GALNT10: variants seen among roughly 807,000 people sequenced by gnomAD.
GALNT10 encodes GalNAc transferase 10.
Under a neutral mutation model 75.0 loss-of-function variants are expected in GALNT10, and 41 were observed. The ratio of observed to expected loss-of-function variants is 0.55; its 90% CI spans 0.43 to 0.71. GALNT10 has a LOEUF of 0.71. GALNT10 is among the 30% of genes least tolerant of loss of function. The pLI is 0.00. For synonymous variants in GALNT10, 302 were observed against 313.0 expected, an observed-to-expected ratio of 0.96 and a Z score of 0.37; for missense variants, 727 against 818.5, an observed-to-expected ratio of 0.89 and a Z score of 1.36.
At chr5:154,404,952 T>G (rs975361982) in intron 8 of GALNT10, among the ~76,000 whole-genome samples, 3 of 152,240 alleles carry the variant, frequency 2.0e-5, no homozygotes, top group Admixed American at 2.0e-4. Context: ...CCAGAGTTTG[T>G]TTTTGGTTTG....
At position 154,191,139 on chromosome 5, in the gene GALNT10, T is replaced by A. The variant is rs947896985; in HGVS notation, c.159+114T>A. The A allele has an allele frequency of 2.1e-5, 14 of 668,588 alleles. No individual in the cohort carries two copies. The South Asian group carries it at 5.4e-4, about 26-fold the overall frequency. The allele number at this position is 668,588 out of a possible 1,614,324, so 41.4% of individuals were successfully genotyped here. A position where few individuals can be genotyped will look rare whatever the true frequency, so the allele number is the denominator to read the frequency against. On this transcript the variant is annotated intron_variant, in intron 1 of 11. Coordinates refer to ENST00000297107, the MANE Select transcript of GALNT10 (RefSeq NM_198321.4). ...GCCTCCTCAGAGTCAGCTCCGAGAC[T>A]CTTCAGCTCTTCCCATTTTCCGGAT...
chr5:154,283,266 A>G (rs1302203253), intron 1 of GALNT10, among the ~76,000 whole-genome samples: 1 of 139,092 alleles, frequency 7.2e-6, no homozygotes, highest in Non-Finnish European at 1.5e-5. Context: ...CAACATAATA[A>G]GACCTCGTCT....
At chr5:154,343,591 A>G (rs747437440) in intron 4 of GALNT10, among the ~76,000 whole-genome samples, 2 of 152,208 alleles carry the variant, frequency 1.3e-5, no homozygotes, top group Non-Finnish European at 2.9e-5. Flanking sequence ...TAGGCATGGA[A>G]TAAATTCCTC....
intron 1 of GALNT10, among the ~76,000 whole-genome samples, chr5:154,287,087 A>C (rs1430326018): frequency 6.6e-6 from 1 of 152,228 alleles, no homozygotes; most frequent in Non-Finnish European, 1.5e-5. Context: ...AAACAAAATC[A>C]TCTTTCTCCT....
chr5:154,208,832 T>C (rs1279089119), intron 1 of GALNT10, among the ~76,000 whole-genome samples: 2 of 152,020 alleles, frequency 1.3e-5, no homozygotes, highest in African/African-American at 2.4e-5. Flanking sequence ...CTAAAGAATA[T>C]AGGAATGGCA....
At position 154,296,645 on chromosome 5, in the gene GALNT10, C is replaced by T. The variant is rs1313155940; in HGVS notation, c.263-1296C>T. On this transcript the variant is annotated intron_variant, in intron 2 of 11. Coordinates refer to ENST00000297107, the MANE Select transcript of GALNT10 (RefSeq NM_198321.4). ...TAATACAAAGGGCAAAATCTTCAGA[C>T]TCGGAAAGGCTGAAGGCATGTCCAA... Among the ~76,000 whole-genome samples, 8 of 152,232 alleles carry T rather than the reference C, an allele frequency of 5.3e-5. No individual in the cohort carries two copies. The East Asian group carries it at 1.5e-3, about 29-fold the overall frequency.
At chr5:154,338,016 G>C (rs955731972) in intron 4 of GALNT10, 1 of 1,535,830 alleles carries the variant, frequency 6.5e-7, no homozygotes, top group Non-Finnish European at 8.9e-7. Context: ...GCCTCGATCA[G>C]TCATGATTGC....
chr5:154,331,985 C>T (rs767299150), intron 4 of GALNT10, among the ~76,000 whole-genome samples: 3 of 152,154 alleles, frequency 2.0e-5, no homozygotes, highest in Non-Finnish European at 2.9e-5. Context: ...CGCCCAGAAT[C>T]ACAGGCCATG....
chr5:154,416,918 G>A lies in GALNT10; in HGVS notation c.1758G>A (p.Gln586=), dbSNP rs774673791. 2.4e-5 allele frequency: 39 copies of A among 1,614,014 alleles called. No homozygotes were observed. The highest frequency in any genetic ancestry group is 1.6e-4 in the Middle Eastern group (1 of 6,084). The change falls in exon 12 of 12, where the codon CAG becomes CAA. Residue 586 remains glutamine (Q), a synonymous_variant. Coordinates refer to ENST00000297107, the MANE Select transcript of GALNT10 (RefSeq NM_198321.4). This position sits in a 1 kb window ranked among gnomAD's most constrained non-coding sequence, Gnocchi z 4.5. ...NTCNPSSLTQ[Q]WLFEHTNSTV... ...GCAACCCATCCTCTCTCACCCAGCA[G>A]TGGCTGTTTGAACACACCAACTCAA...
intron 1 of GALNT10, among the ~76,000 whole-genome samples, chr5:154,276,183 G>C (rs976817633): frequency 6.6e-6 from 1 of 152,154 alleles, no homozygotes; most frequent in African/African-American, 2.4e-5. Flanking sequence ...GTTTCAGCCA[G>C]GCTGGGCTCT....
rs1054450508 is a variant in GALNT10, at chr5:154,265,643, G to A, written c.160-29173G>A. The stretch of plus-strand genomic sequence containing the variant: ...TTCCCAAGTTATTACCCTCCTAGGA[G>A]AAGAGCGAACAGCCTCCTTTTACAA... On this transcript the variant is annotated intron_variant, in intron 1 of 11. Coordinates refer to ENST00000297107, the MANE Select transcript of GALNT10 (RefSeq NM_198321.4). Among the ~76,000 whole-genome samples the A allele has an allele frequency of 3.3e-5, 5 of 152,156 alleles. No individual in the cohort carries two copies. In the East Asian group the frequency reaches 5.8e-4, roughly 18 times the overall value.
intron 1 of GALNT10, among the ~76,000 whole-genome samples, chr5:154,222,769 TA>T (rs1213836784): frequency 6.6e-6 from 1 of 152,248 alleles, no homozygotes; most frequent in East Asian, 1.9e-4. Context: ...AAGTATCTGT[TA>T]AAATCTTTTG....
rs530949669 is a variant in GALNT10, at chr5:154,374,719, G to A, written c.569-1558G>A. On this transcript the variant is annotated intron_variant, in intron 4 of 11. Coordinates refer to ENST00000297107, the MANE Select transcript of GALNT10 (RefSeq NM_198321.4). The stretch of plus-strand genomic sequence containing the variant: ...TGCATTAAAAGTAACACTGGATAAC[G>A]TGGAGGGAAAGCCTTCTCTTTTCAA... Among the ~76,000 whole-genome samples, 585 of 152,310 alleles carry A rather than the reference G, an allele frequency of 3.8e-3. 5 individuals carry two copies. Among genetic ancestry groups the A allele is most frequent in the African/African-American group, 0.013 (543 of 41,566 alleles).
At chr5:154,285,143 G>A (rs923583471) in intron 1 of GALNT10, among the ~76,000 whole-genome samples, 1 of 152,090 alleles carries the variant, frequency 6.6e-6, no homozygotes, top group East Asian at 1.9e-4. Context: ...CTGAGGTAAT[G>A]AAAATACTTA....
At chr5:154,202,559 C>G (rs1775042859) in intron 1 of GALNT10, among the ~76,000 whole-genome samples, 1 of 152,192 alleles carries the variant, frequency 6.6e-6, no homozygotes, top group East Asian at 1.9e-4. Context: ...CTTCCCAGGC[C>G]TATACAAGAA....
At chr5:154,327,824 G>A (rs1448792333) in intron 3 of GALNT10, among the ~76,000 whole-genome samples, 3 of 152,108 alleles carry the variant, frequency 2.0e-5, no homozygotes, top group Non-Finnish European at 4.4e-5. Context: ...TTTAGGCATC[G>A]ATTATCACAA....
chr5:154,409,330 G>C lies in GALNT10; in HGVS notation c.1165-211G>C. The C allele has an allele frequency of 1.7e-6, 1 of 598,116 alleles. No homozygotes were observed. Among genetic ancestry groups the C allele is most frequent in the Non-Finnish European group, 3.0e-6 (1 of 333,976 alleles). 37.1% of individuals were successfully genotyped at this position (598,116 alleles called of 1,614,324 possible). A position where few individuals can be genotyped will look rare whatever the true frequency, so the allele number is the denominator to read the frequency against. ...AAGATGGGCAGGCAAAACAACAGCA[G>C]CCTATGGGCCAACTATAAGCTGTGA... On this transcript the variant is annotated intron_variant, in intron 8 of 11. Transcript: ENST00000297107. This position sits in a 1 kb window ranked among gnomAD's most constrained non-coding sequence, Gnocchi z 4.5.
At chr5:154,206,242 A>G (rs979272752) in intron 1 of GALNT10, among the ~76,000 whole-genome samples, 66 of 152,196 alleles carry the variant, frequency 4.3e-4, no homozygotes, top group African/African-American at 1.5e-3. Flanking sequence ...TAAGAGATCA[A>G]CCTGTTAAAA....
chr5:154,319,582 G>A (rs906390148), intron 3 of GALNT10, among the ~76,000 whole-genome samples: 11 of 152,214 alleles, frequency 7.2e-5, no homozygotes, highest in African/African-American at 2.7e-4. Context: ...AGAGGAGAGA[G>A]AGGGAAAAGT....
Sources: allele counts gnomAD v4.1 joint callset (sites outside exome capture counted in the v4.1 genomes callset), GRCh38; gene constraint gnomAD v4.1.1; non-coding constraint Gnocchi (gnomAD v3.1); transcripts MANE v1.5; gene names NCBI Gene and HGNC (gene_info 2026-07-23, HGNC 2026-07-21).